The following JPH2 variants were observed in gnomAD, a reference collection of about 807,000 sequenced individuals.
JPH2 encodes junctophilin 2, also known as junctophilin-2.
JPH2 carries 38 observed loss-of-function variants against 55.9 expected under a neutral mutation model. That is an observed-to-expected ratio of 0.68 (90% CI 0.52 to 0.89). JPH2 has a LOEUF of 0.89. Ranked by LOEUF, JPH2 falls within the 40% of genes least tolerant of loss-of-function variation. The probability of loss-of-function intolerance (pLI) is 0.00; values close to 1 mark genes in which losing one functional copy is unlikely to be tolerated. For synonymous variants in JPH2, 480 were observed against 472.4 expected, an observed-to-expected ratio of 1.02 and a Z score of -0.21; for missense variants, 964 against 1,037.6, an observed-to-expected ratio of 0.93 and a Z score of 0.97.
chr20:44,149,821 T>G (rs940631973), intron 2 of JPH2, among the ~76,000 whole-genome samples: 1 of 152,024 alleles, frequency 6.6e-6, no homozygotes, highest in Non-Finnish European at 1.5e-5. Context: ...CTACTAAAAA[T>G]ACAAAAATTA....
chr20:44,160,241 C>A lies in JPH2; in HGVS notation c.546G>T (p.Ser182=). ...NGTVAPDSPA[S]PASDGPALPS... ...GCAGCGCGGGGCCGTCGGAGGCCGG[C>A]GAGGCGGGAGAGTCCGGGGCCACCG... Residue 182 remains serine (S), a synonymous_variant, in exon 2 of 6, where the codon TCG becomes TCT. Transcript: ENST00000372980. The surrounding 1 kb of genome is among the most constrained non-coding windows in gnomAD (Gnocchi z 4.9). 2 of 1,500,972 alleles carry A rather than the reference C, an allele frequency of 1.3e-6. No individual in the cohort carries two copies. The highest frequency in any genetic ancestry group is 8.9e-7 in the Non-Finnish European group (1 of 1,129,894). The allele number at this position is 1,500,972 out of a possible 1,614,324, so 93.0% of individuals were successfully genotyped here. A position where few individuals can be genotyped will look rare whatever the true frequency, so the allele number is the denominator to read the frequency against.
intron 2 of JPH2, among the ~76,000 whole-genome samples, chr20:44,133,511 T>TA: frequency 1.3e-5 from 2 of 152,038 alleles, no homozygotes; most frequent in East Asian, 3.9e-4. Context: ...AACGGCAGTC[T>TA]ACCTGATTCC....
intron 2 of JPH2, among the ~76,000 whole-genome samples, chr20:44,130,068 CAAAACA>C (rs1214448778): frequency 7.0e-5 from 1 of 14,366 alleles, no homozygotes; most frequent in African/African-American, 2.2e-4. Flanking sequence ...ACTGCAGCAA[CAAAACA>C]AAACAAAACA....
intron 4 of JPH2, 99 bp from the exon 5 acceptor site, chr20:44,114,975 G>A (rs2072176414): frequency 2.2e-6 from 2 of 888,992 alleles, no homozygotes; most frequent in African/African-American, 1.7e-5. Context: ...ACTTCTGGAT[G>A]GACCTTCCTA....
At chr20:44,137,236 CCCCCG>C (rs1276415104) in intron 2 of JPH2, among the ~76,000 whole-genome samples, 1 of 152,104 alleles carries the variant, frequency 6.6e-6, no homozygotes, top group Non-Finnish European at 1.5e-5. Context: ...GTGTGCTCTG[CCCCCG>C]CCCCGCCCCA....
At chr20:44,126,078 AT>A in intron 2 of JPH2, among the ~76,000 whole-genome samples, 1 of 147,558 alleles carries the variant, frequency 6.8e-6, no homozygotes, top group Non-Finnish European at 1.5e-5. Context: ...GTGAGCTATG[AT>A]TATGCCACTG....
At position 44,109,719 on chromosome 20, in the gene JPH2, T is replaced by C. The variant is rs2072129040; in HGVS notation, c.*3799A>G. 6.6e-6 allele frequency among the ~76,000 whole-genome samples: 1 copy of C among 152,190 alleles called. No homozygotes were observed. Among genetic ancestry groups the C allele is most frequent in the South Asian group, 2.1e-4 (1 of 4,822 alleles). On this transcript the variant is annotated 3_prime_UTR_variant, in exon 6 of 6. Transcript: ENST00000372980. ...TATTATTTGTATTCTGAGTCACTTA[T>C]TTGGGGGAGAGCATCTTCATATCAG...
chr20:44,138,947 C>T lies in JPH2; in HGVS notation c.1170-20324G>A, dbSNP rs546944764. ...ATGGCAGTGACTGGCATTTGGCAAT[C>T]GCTGCCTTGCCCCAGCTGCCACACC... On this transcript the variant is annotated intron_variant, in intron 2 of 5. Coordinates refer to ENST00000372980, the MANE Select transcript of JPH2 (RefSeq NM_020433.5). Among the ~76,000 whole-genome samples the T allele has an allele frequency of 9.2e-5, 14 of 152,260 alleles. 1 individual carries two copies. The South Asian group carries it at 2.5e-3, about 27-fold the overall frequency.
At chr20:44,138,863 GT>G (rs1288530016) in intron 2 of JPH2, among the ~76,000 whole-genome samples, 1 of 152,168 alleles carries the variant, frequency 6.6e-6, no homozygotes, top group Non-Finnish European at 1.5e-5. Flanking sequence ...AAGTTAAAAT[GT>G]TTTTTAAATA....
In JPH2 at chr20:44,160,443, C is replaced by G. The variant is rs945931469; in HGVS notation, c.380-36G>C. On this transcript the variant is annotated intron_variant, in intron 1 of 5. Transcript: ENST00000372980. This position sits in a 1 kb window ranked among gnomAD's most constrained non-coding sequence, Gnocchi z 4.9. The stretch of plus-strand genomic sequence containing the variant: ...GGAGAGGGCGCGTCAGTAGGCGGCA[C>G]GACGGGTCCCCGCGTGTGCACGGTG... 8 of 1,597,666 alleles carry G rather than the reference C, an allele frequency of 5.0e-6. No individual in the cohort carries two copies. Among genetic ancestry groups the G allele is most frequent in the East Asian group, 2.3e-5 (1 of 44,344 alleles).
intron 2 of JPH2, among the ~76,000 whole-genome samples, chr20:44,153,889 C>A (rs1290952049): frequency 1.3e-5 from 2 of 152,184 alleles, no homozygotes; most frequent in African/African-American, 4.8e-5. Flanking sequence ...TTACTCTTAA[C>A]ACTCACTGTG....
At chr20:44,119,529 T>C (rs998910517) in intron 2 of JPH2, among the ~76,000 whole-genome samples, 1 of 152,182 alleles carries the variant, frequency 6.6e-6, no homozygotes, top group Non-Finnish European at 1.5e-5. Context: ...GGCTCCTTAC[T>C]ACCCCAGAGA....
rs111726145 is a variant in JPH2, at chr20:44,132,019, C to T, written c.1170-13396G>A. Among the ~76,000 whole-genome samples, 367 of 152,222 alleles carry T rather than the reference C, an allele frequency of 2.4e-3. 1 individual carries two copies. The highest frequency in any genetic ancestry group is 8.5e-3 in the African/African-American group (352 of 41,522). ...TTCTCTGATTAGCCTGTGAGCTACA[C>T]GGTATTTACTGTAACACTGTAATAG... On this transcript the variant is annotated intron_variant, in intron 2 of 5. Transcript: ENST00000372980.
chr20:44,126,468 C>T (rs2072278197), intron 2 of JPH2, among the ~76,000 whole-genome samples: 1 of 152,070 alleles, frequency 6.6e-6, no homozygotes, highest in Non-Finnish European at 1.5e-5. Context: ...CTTCCGATGT[C>T]ACTGCCCTAC....
chr20:44,114,655 GT>G, intron 5 of JPH2, 126 bp downstream of exon 5: 1 of 686,656 alleles, frequency 1.5e-6, no homozygotes, highest in South Asian at 1.6e-5. Flanking sequence ...CTGCAGGTGG[GT>G]GGGCCTCAAT....
At chr20:44,170,416 C>CTT (rs1422678354) in intron 1 of JPH2, among the ~76,000 whole-genome samples, 1 of 152,248 alleles carries the variant, frequency 6.6e-6, no homozygotes, top group Non-Finnish European at 1.5e-5. Context: ...GGCATAAGAT[C>CTT]TTTGGGTGGC....
At chr20:44,180,568 C>A (rs559641094) in intron 1 of JPH2, among the ~76,000 whole-genome samples, 2 of 152,260 alleles carry the variant, frequency 1.3e-5, no homozygotes, top group African/African-American at 4.8e-5. Context: ...GAACTCCTGG[C>A]TCCAGCAATC....
chr20:44,135,534 C>T (rs561612951), intron 2 of JPH2, among the ~76,000 whole-genome samples: 95 of 152,296 alleles, frequency 6.2e-4, no homozygotes, highest in Non-Finnish European at 1.0e-3. Context: ...AGCTCTCTAC[C>T]GTCTCCTGCA....
intron 1 of JPH2, among the ~76,000 whole-genome samples, chr20:44,185,913 G>A (rs1600482466): frequency 6.6e-6 from 1 of 152,182 alleles, no homozygotes; most frequent in African/African-American, 2.4e-5. Flanking sequence ...TGGATGGATG[G>A]GTGGGTGGAT....
Sources: gnomAD v4.1 joint callset for allele counts (sites outside exome capture counted in the v4.1 genomes callset) on GRCh38, gnomAD v4.1.1 for gene constraint, Gnocchi (gnomAD v3.1) non-coding constraint, MANE v1.5 for transcripts, NCBI Gene and HGNC (gene_info 2026-07-23, HGNC 2026-07-21) for gene names.